CHSY3: variants seen among roughly 807,000 people sequenced by gnomAD.
CHSY3 encodes the protein N-acetylgalactosaminyl-proteoglycan 3-beta-glucuronosyltransferase 3.
In CHSY3, 35 loss-of-function variants were observed where a neutral mutation model predicts 67.2. The ratio of observed to expected loss-of-function variants is 0.52; its 90% CI spans 0.40 to 0.69. The LOEUF (loss-of-function observed/expected upper bound fraction) is 0.69. Ranked by LOEUF, CHSY3 falls within the 30% of genes least tolerant of loss-of-function variation. CHSY3 has a pLI of 0.00. For missense variants in CHSY3, 1,069 were observed against 1,138.5 expected (o/e 0.94, Z 0.88); for synonymous variants, 474 against 434.7 (o/e 1.09, Z -1.12).
chr5:130,112,972 G>T (rs938743883), intron 2 of CHSY3, among the ~76,000 whole-genome samples: 12 of 151,944 alleles, frequency 7.9e-5, no homozygotes, highest in African/African-American at 2.7e-4. Context: ...ATAGTCATTT[G>T]TAGCTTATAT....
intron 2 of CHSY3, among the ~76,000 whole-genome samples, chr5:129,922,079 T>C (rs1760943699): frequency 1.3e-5 from 2 of 152,198 alleles, no homozygotes; most frequent in Non-Finnish European, 2.9e-5. Context: ...AGTGAGAACA[T>C]GTGAAGTTTG....
At chr5:130,076,620 GA>G (rs543965368) in intron 2 of CHSY3, among the ~76,000 whole-genome samples, 2 of 150,162 alleles carry the variant, frequency 1.3e-5, no homozygotes, top group South Asian at 2.1e-4. Context: ...GTTCTCTAAA[GA>G]AAAAAAATAT....
At chr5:130,087,942 G>A (rs1231436115) in intron 2 of CHSY3, among the ~76,000 whole-genome samples, 3 of 152,066 alleles carry the variant, frequency 2.0e-5, no homozygotes, top group African/African-American at 4.8e-5. Flanking sequence ...AAAGCTGGAG[G>A]CATCACACTA....
At chr5:130,164,955 GA>G (rs958157805) in intron 2 of CHSY3, among the ~76,000 whole-genome samples, 5 of 151,908 alleles carry the variant, frequency 3.3e-5, no homozygotes, top group African/African-American at 4.8e-5. Flanking sequence ...ACCCTAAGTA[GA>G]AAAAAAAGAC....
intron 2 of CHSY3, among the ~76,000 whole-genome samples, chr5:129,963,710 T>C (rs186700761): frequency 1.3e-5 from 2 of 152,090 alleles, no homozygotes; most frequent in Non-Finnish European, 2.9e-5. Flanking sequence ...GAATGTTTCT[T>C]ATGTCATCTG....
intron 2 of CHSY3, among the ~76,000 whole-genome samples, chr5:130,133,686 T>A (rs1768556197): frequency 6.8e-6 from 1 of 147,804 alleles, no homozygotes; most frequent in Non-Finnish European, 1.5e-5. Context: ...GCACGAGAAT[T>A]GCTTGAACCC....
intron 2 of CHSY3, among the ~76,000 whole-genome samples, chr5:130,039,234 C>T (rs1219122448): frequency 6.6e-6 from 1 of 152,014 alleles, no homozygotes; most frequent in Non-Finnish European, 1.5e-5. Context: ...TAGATGACAT[C>T]CCAGAGCTTT....
chr5:130,161,815 G>A (rs1449209471), intron 2 of CHSY3, among the ~76,000 whole-genome samples: 1 of 152,066 alleles, frequency 6.6e-6, no homozygotes, highest in East Asian at 1.9e-4. Flanking sequence ...GAGGCTGGTG[G>A]ATTGCTTGAG....
chr5:129,923,577 T>C (rs573092685), intron 2 of CHSY3, among the ~76,000 whole-genome samples: 2 of 152,228 alleles, frequency 1.3e-5, no homozygotes, highest in Non-Finnish European at 1.5e-5. Context: ...CAGTTATGAA[T>C]AGGGTGGTTA....
At chr5:130,107,584 C>A (rs1580739531) in intron 2 of CHSY3, among the ~76,000 whole-genome samples, 1 of 151,542 alleles carries the variant, frequency 6.6e-6, no homozygotes, top group South Asian at 2.1e-4. Flanking sequence ...ACCACTTTTG[C>A]AAATGTGCTG....
In CHSY3 at chr5:129,954,904, T is replaced by G. The variant is rs148646045; in HGVS notation, c.1086+46544T>G. Among the ~76,000 whole-genome samples, 487 of 152,300 alleles carry G rather than the reference T, an allele frequency of 3.2e-3. 1 individual carries two copies. The highest frequency in any genetic ancestry group is 5.4e-3 in the Non-Finnish European group (369 of 68,028). On this transcript the variant is annotated intron_variant, in intron 2 of 2. Coordinates refer to ENST00000305031, the MANE Select transcript of CHSY3 (RefSeq NM_175856.5). ...ATTTTTTTGAGATGGAGTCTCGCTC[T>G]GCCACCCAGGCTGCAGTGCCGTGGC...
At chr5:130,118,208 C>T (rs898494749) in intron 2 of CHSY3, among the ~76,000 whole-genome samples, 3 of 152,104 alleles carry the variant, frequency 2.0e-5, no homozygotes, top group African/African-American at 7.2e-5. Flanking sequence ...TTATAAATTA[C>T]CCAGCCTCAT....
At chr5:130,086,016 T>C (rs1766605594) in intron 2 of CHSY3, among the ~76,000 whole-genome samples, 1 of 151,962 alleles carries the variant, frequency 6.6e-6, no homozygotes, top group African/African-American at 2.4e-5. Context: ...TGCTGAGGAG[T>C]GCTTTACTTC....
chr5:129,995,512 C>CTT (rs1209579662), intron 2 of CHSY3, among the ~76,000 whole-genome samples: 3 of 140,940 alleles, frequency 2.1e-5, no homozygotes, highest in African/African-American at 2.6e-5. Flanking sequence ...CTTTTCTTTT[C>CTT]TTTTTTTTTT....
chr5:130,009,833 C>T (rs1318193268), intron 2 of CHSY3, among the ~76,000 whole-genome samples: 1 of 151,978 alleles, frequency 6.6e-6, no homozygotes, highest in Non-Finnish European at 1.5e-5. Flanking sequence ...GGAAAGGTAG[C>T]TGTTCTAATT....
chr5:130,022,951 G>T (rs1361621328), intron 2 of CHSY3, among the ~76,000 whole-genome samples: 1 of 151,916 alleles, frequency 6.6e-6, no homozygotes, highest in Non-Finnish European at 1.5e-5. Context: ...CCCTATATTT[G>T]TTATATCTGG....
intron 2 of CHSY3, among the ~76,000 whole-genome samples, chr5:130,066,041 T>C (rs942267598): frequency 6.6e-6 from 1 of 152,090 alleles, no homozygotes; most frequent in African/African-American, 2.4e-5. Context: ...CACACCTTCT[T>C]CTGAGACTAC....
At chr5:129,929,399 G>C (rs1044544406) in intron 2 of CHSY3, among the ~76,000 whole-genome samples, 3 of 152,140 alleles carry the variant, frequency 2.0e-5, no homozygotes, top group Non-Finnish European at 4.4e-5. Flanking sequence ...AAAAATATAG[G>C]CTGTCAGTTT....
rs1760249092 is a variant in CHSY3, at chr5:129,905,529, C to T, written c.700C>T (p.Pro234Ser). Residue 234 changes from proline (P) to serine (S), a missense_variant, in exon 1 of 3, where the codon CCT becomes TCT. Coordinates refer to ENST00000305031, the MANE Select transcript of CHSY3 (RefSeq NM_175856.5). Reference sequence around the variant, plus strand: ...GCTACCGGGTGTGGACGACTCCTATCCTCCCCAGAAAAAGTCCTTCATGAT... The same window carrying T: ...GCTACCGGGTGTGGACGACTCCTATTCTCCCCAGAAAAAGTCCTTCATGAT... ...IALPGVDDSY[P>S]PQKKSFMMIK... 1 of 1,613,474 alleles carries T rather than the reference C, an allele frequency of 6.2e-7. No homozygotes were observed. The highest frequency in any genetic ancestry group is 1.3e-5 in the African/African-American group (1 of 74,920).
Sources: allele counts gnomAD v4.1 joint callset (sites outside exome capture counted in the v4.1 genomes callset), GRCh38; gene constraint gnomAD v4.1.1; transcripts MANE v1.5; gene names NCBI Gene and HGNC (gene_info 2026-07-23, HGNC 2026-07-21).